Variants in HOMER1 observed in about 807,000 individuals in gnomAD.
The protein encoded by HOMER1 is homer scaffold protein 1.
A neutral mutation model predicts 48.9 loss-of-function variants in HOMER1; 3 were observed. The observed-to-expected ratio is 0.06, with a 90% CI of 0.03 to 0.16. The LOEUF (loss-of-function observed/expected upper bound fraction) is 0.16. Among genes scored for constraint, HOMER1 ranks in the 10% least tolerant of loss-of-function variants. HOMER1 has a pLI of 1.00. For missense variants in HOMER1, 247 were observed against 411.4 expected, an observed-to-expected ratio of 0.60 and a Z score of 3.46; for synonymous variants, 134 against 146.4, an observed-to-expected ratio of 0.92 and a Z score of 0.61.
rs1197879363 is a variant in HOMER1 at position 79,512,965 on chromosome 5, C to T, written c.-191G>A. 4 of 595,986 alleles carry T rather than the reference C, an allele frequency of 6.7e-6. No homozygotes were observed. Among genetic ancestry groups the T allele is most frequent in the Non-Finnish European group, 1.2e-5 (4 of 335,690 alleles). The allele number at this position is 595,986 out of a possible 1,614,324, so 36.9% of individuals were successfully genotyped here. The stretch of plus-strand genomic sequence containing the variant: ...TAAAATGATTTCTCTCTTGTAAATA[C>T]CAAAACGTTCAAACAGAGGCGGCAT... On this transcript the variant is annotated 5_prime_UTR_variant, in exon 1 of 9. Coordinates refer to ENST00000334082, the MANE Select transcript of HOMER1 (RefSeq NM_004272.5).
intron 8 of HOMER1, among the ~76,000 whole-genome samples, chr5:79,391,705 T>C (rs1035558351): frequency 4.0e-5 from 6 of 150,680 alleles, no homozygotes; most frequent in African/African-American, 1.2e-4. Context: ...ATCGCGCCAC[T>C]GCATTCCAGC....
intron 5 of HOMER1, among the ~76,000 whole-genome samples, chr5:79,410,248 T>C (rs1749780253): frequency 1.3e-5 from 2 of 151,920 alleles, no homozygotes; most frequent in South Asian, 4.2e-4. Context: ...TCCCAGCACT[T>C]TGGGAGGCCG....
At chr5:79,389,030 A>C (rs1749184243) in intron 8 of HOMER1, among the ~76,000 whole-genome samples, 1 of 152,110 alleles carries the variant, frequency 6.6e-6, no homozygotes, top group Admixed American at 6.5e-5. Context: ...GAAATATTCT[A>C]GTATATCATT....
rs370475763 is a variant in HOMER1, at chr5:79,499,247, A to C, written c.5+13523T>G. Among the ~76,000 whole-genome samples the C allele has an allele frequency of 1.5e-4, 23 of 152,318 alleles. 1 individual carries two copies. Among genetic ancestry groups the C allele is most frequent in the Admixed American group, 7.2e-4 (11 of 15,306 alleles). Reference sequence around the variant, plus strand: ...GCCTGCCTATGTATTATGTAAATAGATGCATAAGTATTCCAGAGGCTCATG... The same window carrying C: ...GCCTGCCTATGTATTATGTAAATAGCTGCATAAGTATTCCAGAGGCTCATG... On this transcript the variant is annotated intron_variant, in intron 1 of 8. Transcript: ENST00000334082.
rs535863759 is a variant in HOMER1, at chr5:79,464,084, C to T, written c.6-7066G>A. Among the ~76,000 whole-genome samples, 4 of 152,218 alleles carry T rather than the reference C, an allele frequency of 2.6e-5. No homozygotes were observed. The East Asian group carries it at 7.7e-4, about 29-fold the overall frequency. On this transcript the variant is annotated intron_variant, in intron 1 of 8. Transcript: ENST00000334082. ...TAACCTTGTATAGGTATTAAAATAT[C>T]TTTCTAAAATGGCACTGTGAAGAAA...
chr5:79,512,541 C>T (rs974247633), intron 1 of HOMER1, among the ~76,000 whole-genome samples: 3 of 152,160 alleles, frequency 2.0e-5, no homozygotes, highest in Non-Finnish European at 2.9e-5. Context: ...ACTCACAAAT[C>T]CATATTCAAG....
At position 79,502,021 on chromosome 5, in the gene HOMER1, ATT is replaced by A. The variant is rs10674187; in HGVS notation, c.5+10747_5+10748del. ...GTAAGAACAGTAACAGGTCCTGATA[ATT>A]TTTTTTTTTTTTTTTTTGAGACAGT... On this transcript the variant is annotated intron_variant, in intron 1 of 8. Coordinates refer to ENST00000334082, the MANE Select transcript of HOMER1 (RefSeq NM_004272.5). Among the ~76,000 whole-genome samples the A allele has an allele frequency of 4.5e-3, 580 of 130,038 alleles. 8 individuals are homozygous for A. Among genetic ancestry groups the A allele is most frequent in the African/African-American group, 0.016 (549 of 34,258 alleles). The allele number at this position is 130,038 out of a possible 152,430, so 85.3% of individuals were successfully genotyped here. A position where few individuals can be genotyped will look rare whatever the true frequency, so the allele number is the denominator to read the frequency against.
chr5:79,451,627 G>A (rs950976358), intron 2 of HOMER1, among the ~76,000 whole-genome samples: 7 of 140,088 alleles, frequency 5.0e-5, no homozygotes, highest in African/African-American at 1.1e-4. Flanking sequence ...GTGCAGTGGC[G>A]TGATCTCGGC....
rs567330473 is a variant in HOMER1 at position 79,413,724 on chromosome 5, C to T, written c.528-11669G>A. ...AAAAAAAAACTACTTGTGTGCCTGC[C>T]GCCTTCTGGGCTAGGTGCTTTCATA... On this transcript the variant is annotated intron_variant, in intron 5 of 8. Coordinates refer to ENST00000334082, the MANE Select transcript of HOMER1 (RefSeq NM_004272.5). Among the ~76,000 whole-genome samples the T allele has an allele frequency of 5.3e-5, 8 of 151,692 alleles. No homozygotes were observed. In the South Asian group the frequency reaches 8.3e-4, roughly 16 times the overall value.
intron 5 of HOMER1, among the ~76,000 whole-genome samples, chr5:79,434,157 C>T (rs567224269): frequency 3.9e-5 from 6 of 151,980 alleles, no homozygotes; most frequent in Non-Finnish European, 5.9e-5. Flanking sequence ...TCTGAACTCT[C>T]GAAAATATGA....
At chr5:79,435,052 G>C (rs890643837) in intron 5 of HOMER1, among the ~76,000 whole-genome samples, 4 of 152,150 alleles carry the variant, frequency 2.6e-5, no homozygotes, top group African/African-American at 9.7e-5. Context: ...GTTGAAGGCA[G>C]GTGACATGTT....
At chr5:79,502,853 C>G (rs568443636) in intron 1 of HOMER1, among the ~76,000 whole-genome samples, 2 of 152,168 alleles carry the variant, frequency 1.3e-5, no homozygotes, top group Non-Finnish European at 2.9e-5. Flanking sequence ...TGCAGTGGCG[C>G]AATCTCAGCT....
At chr5:79,408,522 A>G (rs1358233614) in intron 5 of HOMER1, among the ~76,000 whole-genome samples, 1 of 152,228 alleles carries the variant, frequency 6.6e-6, no homozygotes, top group East Asian at 1.9e-4. Flanking sequence ...AGGAGAAATA[A>G]CAGTCTTTTA....
At chr5:79,435,178 CTTT>C (rs1323949624) in intron 5 of HOMER1, among the ~76,000 whole-genome samples, 1 of 151,220 alleles carries the variant, frequency 6.6e-6, no homozygotes, top group Non-Finnish European at 1.5e-5. Flanking sequence ...AGCTAAGTAA[CTTT>C]TTAAGAAAGA....
At chr5:79,452,752 T>G (rs1751062996) in intron 2 of HOMER1, among the ~76,000 whole-genome samples, 1 of 152,192 alleles carries the variant, frequency 6.6e-6, no homozygotes, top group Non-Finnish European at 1.5e-5. Flanking sequence ...TGTCCACTGT[T>G]ATATGAGAGC....
chr5:79,420,327 G>T (rs1309599389), intron 5 of HOMER1, among the ~76,000 whole-genome samples: 1 of 151,946 alleles, frequency 6.6e-6, no homozygotes, highest in Non-Finnish European at 1.5e-5. Context: ...TCAGATGAGG[G>T]CACTAAAACA....
At chr5:79,451,790 C>T (rs1197116055) in intron 2 of HOMER1, among the ~76,000 whole-genome samples, 1 of 151,732 alleles carries the variant, frequency 6.6e-6, no homozygotes, top group African/African-American at 2.4e-5. Flanking sequence ...AGGATGGTCT[C>T]GATCTCCTGA....
chr5:79,389,248 C>T lies in HOMER1; in HGVS notation c.876+7575G>A, dbSNP rs116290751. ...TATATTAAATATCCTGCCAAGCTCT[C>T]GCCCCAATACTGAATACATGAGAAA... is the stretch of plus-strand genomic sequence containing the variant. On this transcript the variant is annotated intron_variant, in intron 8 of 8. Coordinates refer to ENST00000334082, the MANE Select transcript of HOMER1 (RefSeq NM_004272.5). Among the ~76,000 whole-genome samples, 1,176 of 151,964 alleles carry T rather than the reference C, an allele frequency of 7.7e-3. 11 individuals carry two copies. The highest frequency in any genetic ancestry group is 0.027 in the African/African-American group (1,128 of 41,452).
chr5:79,453,735 C>G (rs1223015339), intron 2 of HOMER1, among the ~76,000 whole-genome samples: 2 of 152,060 alleles, frequency 1.3e-5, no homozygotes, highest in Non-Finnish European at 2.9e-5. Flanking sequence ...ATCAGAAAAC[C>G]TTAAAGCAAA....
Sources: allele counts gnomAD v4.1 joint callset (sites outside exome capture counted in the v4.1 genomes callset), GRCh38; gene constraint gnomAD v4.1.1; transcripts MANE v1.5; gene names NCBI Gene and HGNC (gene_info 2026-07-23, HGNC 2026-07-21).